OSBP: variants seen among roughly 807,000 people sequenced by gnomAD.
OSBP encodes the protein oxysterol binding protein.
Under a neutral mutation model 96.6 loss-of-function variants are expected in OSBP, and 32 were observed. The ratio of observed to expected loss-of-function variants is 0.33; its 90% CI spans 0.25 to 0.45. OSBP has a LOEUF of 0.45. Ranked by LOEUF, OSBP falls within the 20% of genes least tolerant of loss-of-function variation. The probability of loss-of-function intolerance (pLI) is 1.00; values close to 1 mark genes in which losing one functional copy is unlikely to be tolerated. For synonymous variants in OSBP, 369 were observed against 389.6 expected, an observed-to-expected ratio of 0.95 and a Z score of 0.62; for missense variants, 653 against 1,029.7, an observed-to-expected ratio of 0.63 and a Z score of 5.01.
intron 9 of OSBP, among the ~76,000 whole-genome samples, chr11:59,585,841 T>G (rs1224626774): frequency 6.6e-6 from 1 of 152,268 alleles, no homozygotes; most frequent in East Asian, 1.9e-4. Flanking sequence ...TCTTCTGCCT[T>G]GGGATCCTGT....
At chr11:59,597,764 G>A (rs1215994381) in intron 7 of OSBP, among the ~76,000 whole-genome samples, 1 of 152,146 alleles carries the variant, frequency 6.6e-6, no homozygotes, top group Admixed American at 6.5e-5. Flanking sequence ...GGAATGTAGT[G>A]GCACCATCTC....
At chr11:59,593,259 G>GA (rs948106695) in intron 9 of OSBP, among the ~76,000 whole-genome samples, 2 of 152,152 alleles carry the variant, frequency 1.3e-5, no homozygotes, top group East Asian at 1.9e-4. Context: ...CTGATTTACA[G>GA]AGAGAACCTG....
chr11:59,581,586 C>A, intron 9 of OSBP, 32 bp from the exon 10 acceptor site: 1 of 1,288,732 alleles, frequency 7.8e-7, no homozygotes, highest in South Asian at 1.2e-5. Context: ...CAAATTAAGC[C>A]AAATGTCAGA....
intron 9 of OSBP, among the ~76,000 whole-genome samples, chr11:59,583,384 C>T (rs1860447989): frequency 6.6e-6 from 1 of 152,090 alleles, no homozygotes; most frequent in South Asian, 2.1e-4. Flanking sequence ...TCTGTAACCA[C>T]TAATAAAAAA....
At chr11:59,615,197 C>T in intron 1 of OSBP, 106 bp downstream of exon 1, 1 of 946,528 alleles carries the variant, frequency 1.1e-6, no homozygotes, top group Non-Finnish European at 1.6e-6. Context: ...GAAAAGGGGC[C>T]TGGGGCAACC....
rs554756442 is a variant in OSBP at position 59,577,239 on chromosome 11, T to A, written c.2061-214A>T. 3.3e-5 allele frequency among the ~76,000 whole-genome samples: 5 copies of A among 152,320 alleles called. No individual in the cohort carries two copies. The East Asian group carries it at 9.6e-4, about 29-fold the overall frequency. Reference sequence around the variant, plus strand: ...CGCTCCCTGGCATCACTCAGTTCCATAGTCTTCTGGTGTTGTGTGGTGCCC... The same window carrying A: ...CGCTCCCTGGCATCACTCAGTTCCAAAGTCTTCTGGTGTTGTGTGGTGCCC... On this transcript the variant is annotated intron_variant, in intron 12 of 13. Transcript: ENST00000263847.
At chr11:59,595,672 G>A (rs1860640876) in intron 7 of OSBP, among the ~76,000 whole-genome samples, 1 of 151,986 alleles carries the variant, frequency 6.6e-6, no homozygotes, top group African/African-American at 2.4e-5. Flanking sequence ...ACGTGTGGTG[G>A]CTCATGCTTA....
At chr11:59,605,401 TATTTC>T (rs1860770247) in intron 3 of OSBP, among the ~76,000 whole-genome samples, 1 of 152,054 alleles carries the variant, frequency 6.6e-6, no homozygotes, top group African/African-American at 2.4e-5. Flanking sequence ...CATTCCCTTT[TATTTC>T]ATTTATTTAT....
chr11:59,585,004 C>T (rs547974337), intron 9 of OSBP, among the ~76,000 whole-genome samples: 13 of 152,282 alleles, frequency 8.5e-5, no homozygotes, highest in South Asian at 2.1e-4. Flanking sequence ...ACCTCCCAGC[C>T]GCCTGCCTTG....
In OSBP at chr11:59,601,401, C is replaced by T. The variant is rs1860722811; in HGVS notation, c.1022-16G>A. On this transcript the variant is annotated splice_polypyrimidine_tract_variant and intron_variant, in intron 4 of 13. Coordinates refer to ENST00000263847, the MANE Select transcript of OSBP (RefSeq NM_002556.3). ...CAGCACTGATCTACAAGAAGAAAAG[C>T]CCCATTTGTTGACTTTGGTTATCTT... The T allele has an allele frequency of 1.3e-6, 2 of 1,567,960 alleles. No homozygotes were observed. Among genetic ancestry groups the T allele is most frequent in the Non-Finnish European group, 8.8e-7 (1 of 1,140,230 alleles).
chr11:59,595,601 T>C (rs1455797461), intron 7 of OSBP, among the ~76,000 whole-genome samples: 2 of 152,136 alleles, frequency 1.3e-5, no homozygotes, highest in African/African-American at 2.4e-5. Flanking sequence ...AGATCACCAC[T>C]ATTAACATTT....
At chr11:59,586,737 T>C (rs935417498) in intron 9 of OSBP, among the ~76,000 whole-genome samples, 1 of 152,176 alleles carries the variant, frequency 6.6e-6, no homozygotes, top group Non-Finnish European at 1.5e-5. Flanking sequence ...AATAAACCCT[T>C]CATATATGGT....
chr11:59,600,671 A>G (rs776913576), intron 6 of OSBP, 44 bp from the exon 7 acceptor site: 6 of 1,601,306 alleles, frequency 3.7e-6, no homozygotes, highest in Non-Finnish European at 5.1e-6. Context: ...AAAGAACAGA[A>G]AACCTGGTAT....
chr11:59,580,416 T>A (rs554482906), intron 10 of OSBP, 147 bp from the exon 11 acceptor site: 12 of 629,582 alleles, frequency 1.9e-5, no homozygotes, highest in Non-Finnish European at 3.1e-5. Context: ...GGGAATGCTA[T>A]AGAATCCCTA....
chr11:59,589,668 T>G (rs1233692246), intron 9 of OSBP, among the ~76,000 whole-genome samples: 1 of 151,912 alleles, frequency 6.6e-6, no homozygotes, highest in African/African-American at 2.4e-5. Context: ...AGCTAGTTTC[T>G]ATATCCTAGA....
chr11:59,612,138 G>T (rs971478984), intron 1 of OSBP, among the ~76,000 whole-genome samples: 1 of 152,232 alleles, frequency 6.6e-6, no homozygotes, highest in South Asian at 2.1e-4. Flanking sequence ...ATAAGATTTG[G>T]TATGTTTGAG....
intron 7 of OSBP, among the ~76,000 whole-genome samples, chr11:59,594,799 A>G (rs1216178995): frequency 2.0e-5 from 3 of 152,136 alleles, no homozygotes; most frequent in Non-Finnish European, 4.4e-5. Context: ...GAGGCTGGAT[A>G]ATTGTGTTTC....
chr11:59,577,228 A>G (rs1860371159), intron 12 of OSBP, among the ~76,000 whole-genome samples: 1 of 152,112 alleles, frequency 6.6e-6, no homozygotes, highest in Non-Finnish European at 1.5e-5. Context: ...CCCTGGCATC[A>G]CTCAGTTCCA....
At chr11:59,612,278 T>A (rs1401511730) in intron 1 of OSBP, among the ~76,000 whole-genome samples, 1 of 152,190 alleles carries the variant, frequency 6.6e-6, no homozygotes, top group African/African-American at 2.4e-5. Context: ...TGCCACACTG[T>A]AACATGAATC....
Sources: allele counts gnomAD v4.1 joint callset (sites outside exome capture counted in the v4.1 genomes callset), GRCh38; gene constraint gnomAD v4.1.1; transcripts MANE v1.5; gene names NCBI Gene and HGNC (gene_info 2026-07-23, HGNC 2026-07-21).